ENAM: variants seen among roughly 807,000 people sequenced by gnomAD.
The protein encoded by ENAM is amelogenesis imperfecta 2, hypocalcification (autosomal dominant).
ENAM carries 21 observed loss-of-function variants against 33.6 expected under a neutral mutation model. The observed-to-expected ratio is 0.63, with a 90% CI of 0.44 to 0.90. The LOEUF (loss-of-function observed/expected upper bound fraction) is 0.90. Among genes scored for constraint, ENAM ranks in the 40% least tolerant of loss-of-function variants. The pLI is 0.00. For synonymous variants in ENAM, 473 were observed against 468.4 expected (o/e 1.01, Z -0.13); for missense variants, 1,388 against 1,366.9 (o/e 1.02, Z -0.24).
Position 70,645,235 on chromosome 4 carries a change from T to C in ENAM, c.*380T>C. 3 of 239,344 alleles carry C rather than the reference T, an allele frequency of 1.3e-5. No homozygotes were observed. Among genetic ancestry groups the C allele is most frequent in the Non-Finnish European group, 1.6e-5 (2 of 125,608 alleles). 14.8% of individuals were successfully genotyped at this position (239,344 alleles called of 1,614,324 possible). On this transcript the variant is annotated 3_prime_UTR_variant, in exon 9 of 9. Transcript: ENST00000396073. Reference sequence around the variant, plus strand: ...AAGGCAGATTAACTTTCCATTCTACTTATGGAGATCCACACATCAGTATAG... The same window carrying C: ...AAGGCAGATTAACTTTCCATTCTACCTATGGAGATCCACACATCAGTATAG...
At position 70,646,343 on chromosome 4, in the gene ENAM, G is replaced by A. The variant is rs1262561855; in HGVS notation, c.*1488G>A. 1 of 152,128 alleles carries A rather than the reference G, an allele frequency of 6.6e-6. No individual in the cohort carries two copies. The highest frequency in any genetic ancestry group is 1.9e-4 in the East Asian group (1 of 5,198). 9.4% of individuals were successfully genotyped at this position (152,128 alleles called of 1,614,324 possible). On this transcript the variant is annotated 3_prime_UTR_variant, in exon 9 of 9. Coordinates refer to ENST00000396073, the MANE Select transcript of ENAM (RefSeq NM_031889.3). ...CTAAAAACATACTTTATAACTTTAAGAGATTTCTTAGGATACATCTTCAGG... is the reference window on the plus strand; with the variant it reads ...CTAAAAACATACTTTATAACTTTAAAAGATTTCTTAGGATACATCTTCAGG...
chr4:70,631,283 A>G (rs995684326), intron 2 of ENAM, among the ~76,000 whole-genome samples: 1 of 152,178 alleles, frequency 6.6e-6, no homozygotes, highest in African/African-American at 2.4e-5. Flanking sequence ...TTATAAATCA[A>G]CTAGTAACTA....
Position 70,642,715 on chromosome 4 carries a change from A to G in ENAM, c.1289A>G (p.Asn430Ser), listed in dbSNP as rs769265756. ...CCCAAACCTGGCCCTGTTGTTCGCAATGAAAAAATCCAAAATCCAAAGGAG... is the reference window on the plus strand; with the variant it reads ...CCCAAACCTGGCCCTGTTGTTCGCAGTGAAAAAATCCAAAATCCAAAGGAG... ...LGPKPGPVVR[N>S]EKIQNPKEKP... The change falls in exon 9 of 9, where the codon AAT becomes AGT. Residue 430 changes from asparagine to serine, a missense_variant. By Grantham distance (46) the Asn-to-Ser change is conservative. Coordinates refer to ENST00000396073, the MANE Select transcript of ENAM (RefSeq NM_031889.3). 3.6e-5 allele frequency: 58 copies of G among 1,605,276 alleles called. No homozygotes were observed. The highest frequency in any genetic ancestry group is 4.2e-5 in the Non-Finnish European group (50 of 1,176,878).
rs775159311 is a variant in ENAM, at chr4:70,643,823, G to T, written c.2397G>T (p.Arg799Ser). 5.5e-5 allele frequency: 89 copies of T among 1,613,990 alleles called. No homozygotes were observed. Among genetic ancestry groups the T allele is most frequent in the Middle Eastern group, 3.3e-4 (2 of 6,084 alleles). ...CACATTTACAAAAAGCCCCAGCTAG[G>T]CCACCAGACCAGAAAGGTAACCAGC... ...QATHLQKAPA[R>S]PPDQKGNQPY... The change falls in exon 9 of 9, where the codon AGG (arginine) becomes AGT (serine). Residue 799 changes from arginine to serine, a missense_variant. Transcript: ENST00000396073.
At position 70,644,744 on chromosome 4, in the gene ENAM, G is replaced by A; in HGVS notation, c.3318G>A (p.Lys1106=). The change falls in exon 9 of 9, where the codon AAG becomes AAA. Residue 1106 remains lysine, a synonymous_variant. Coordinates refer to ENST00000396073, the MANE Select transcript of ENAM (RefSeq NM_031889.3). ...LVELATEEQF[K]SINVDPLDAD... ...AGTTAGCTACTGAGGAACAATTTAA[G>A]AGTATAAATGTAGACCCACTTGATG... is the stretch of plus-strand genomic sequence containing the variant. The A allele has an allele frequency of 6.2e-7, 1 of 1,613,994 alleles. No homozygotes were observed. The highest frequency in any genetic ancestry group is 1.1e-5 in the South Asian group (1 of 91,068).
rs1176149761 is a variant in ENAM at position 70,628,937 on chromosome 4, A to G, written c.-88A>G. The G allele has an allele frequency of 1.3e-5, 2 of 152,646 alleles. No homozygotes were observed. 9.5% of individuals were successfully genotyped at this position (152,646 alleles called of 1,614,324 possible). On this transcript the variant is annotated 5_prime_UTR_variant, in exon 1 of 9. Transcript: ENST00000396073. ...AAAGTTCAAGTAAAAATTATTTTTT[A>G]TATATTACAGCTTCTAATTGGCATT...
chr4:70,634,935 G>A (rs1685871305), intron 6 of ENAM, among the ~76,000 whole-genome samples: 1 of 152,182 alleles, frequency 6.6e-6, no homozygotes, highest in Non-Finnish European at 1.5e-5. Context: ...AAACTAAATA[G>A]TTTCGAAGTT....
chr4:70,635,947 TATA>T, intron 7 of ENAM, 53 bp downstream of exon 7: 3 of 942,616 alleles, frequency 3.2e-6, no homozygotes, highest in Non-Finnish European at 5.1e-6. Flanking sequence ...ATTAGTATGT[TATA>T]ATTTAAATTA....
intron 7 of ENAM, 156 bp from the exon 8 acceptor site, chr4:70,637,634 G>C (rs1738486512): frequency 1.4e-6 from 1 of 705,550 alleles, no homozygotes; most frequent in Non-Finnish European, 2.6e-6. Context: ...TTAGCAGCTG[G>C]ACTGTGAGAG....
At chr4:70,640,989 A>G (rs930588527) in intron 8 of ENAM, among the ~76,000 whole-genome samples, 2 of 152,222 alleles carry the variant, frequency 1.3e-5, no homozygotes, top group African/African-American at 4.8e-5. Context: ...AGTAGCCAGT[A>G]AGAAAACTAC....
chr4:70,629,636 C>T (rs1032531961), intron 2 of ENAM, 82 bp downstream of exon 2: 5 of 1,007,552 alleles, frequency 5.0e-6, no homozygotes, highest in Non-Finnish European at 6.4e-6. Flanking sequence ...GAGGGCCAAA[C>T]ACTACTGAAA....
chr4:70,632,002 A>G (rs1738336840), intron 4 of ENAM, 109 bp downstream of exon 4: 1 of 1,034,116 alleles, frequency 9.7e-7, no homozygotes, highest in African/African-American at 1.6e-5. Context: ...TCTTATGAAA[A>G]AGGTAAAAAG....
chr4:70,637,853 A>T lies in ENAM; in HGVS notation c.588+10A>T, dbSNP rs1738497339. The T allele has an allele frequency of 1.3e-6, 2 of 1,597,430 alleles. No individual in the cohort carries two copies. The highest frequency in any genetic ancestry group is 2.7e-5 in the African/African-American group (2 of 74,560). The stretch of plus-strand genomic sequence containing the variant: ...CAATGAAGAAGGGGGGGTAAGTACA[A>T]GTAAAACTACATTCTCCACTAGAAA... On this transcript the variant is annotated intron_variant, in intron 8 of 8. Coordinates refer to ENST00000396073, the MANE Select transcript of ENAM (RefSeq NM_031889.3).
At chr4:70,639,611 A>T (rs1232120604) in intron 8 of ENAM, among the ~76,000 whole-genome samples, 1 of 149,576 alleles carries the variant, frequency 6.7e-6, no homozygotes, top group Non-Finnish European at 1.5e-5. Flanking sequence ...AAGGAAAGAA[A>T]TCTGAATTTA....
chr4:70,644,089 C>A lies in ENAM; in HGVS notation c.2663C>A (p.Ala888Asp), dbSNP rs768049074. The A allele has an allele frequency of 1.2e-6, 2 of 1,614,136 alleles. No individual in the cohort carries two copies. Among genetic ancestry groups the A allele is most frequent in the South Asian group, 2.2e-5 (2 of 91,072 alleles). ...SSTGPKDNPL[A>D]LQDYTPSYGL... Reference sequence around the variant, plus strand: ...ACAGGGCCCAAGGACAATCCACTAGCTCTACAAGACTACACTCCATCCTAT... The same window carrying A: ...ACAGGGCCCAAGGACAATCCACTAGATCTACAAGACTACACTCCATCCTAT... The change falls in exon 9 of 9, where the codon GCT becomes GAT. Residue 888 changes from alanine to aspartate, a missense_variant. By Grantham distance (126) the Ala-to-Asp change is moderately radical. Transcript: ENST00000396073.
rs777331164 is a variant in ENAM, at chr4:70,642,974, G to T, written c.1548G>T (p.Leu516Phe). Reference protein sequence around the residue: ...NSDGQTQSQNLPKGIVLGSRR... With the variant: ...NSDGQTQSQNFPKGIVLGSRR... ...ATGGACAAACCCAAAGCCAGAATTT[G>T]CCCAAAGGGATTGTTTTAGGGTCAA... Residue 516 changes from leucine (L) to phenylalanine (F), a missense_variant, in exon 9 of 9, where the codon TTG becomes TTT. By Grantham distance (22) the Leu-to-Phe change is conservative (BLOSUM62 0). Transcript: ENST00000396073. 2 of 1,614,096 alleles carry T rather than the reference G, an allele frequency of 1.2e-6. No individual in the cohort carries two copies. The highest frequency in any genetic ancestry group is 2.2e-5 in the South Asian group (2 of 91,078).
Position 70,642,691 on chromosome 4 carries a change from C to T in ENAM, c.1265C>T (p.Pro422Leu), listed in dbSNP as rs777996409. The T allele has an allele frequency of 6.2e-7, 1 of 1,608,520 alleles. No homozygotes were observed. The change falls in exon 9 of 9, where the codon CCC becomes CTC. Residue 422 changes from proline to leucine, a missense_variant. Transcript: ENST00000396073. ...GGAACTACTGTTGCCCCACTGGGTC[C>T]CAAACCTGGCCCTGTTGTTCGCAAT... ...PVGTTVAPLGPKPGPVVRNEK... is the reference protein window; with the variant it reads ...PVGTTVAPLGLKPGPVVRNEK...
intron 8 of ENAM, among the ~76,000 whole-genome samples, chr4:70,638,449 C>CT (rs766513652): frequency 0.038 from 2,236 of 58,876 alleles, 420 homozygotes; most frequent in African/African-American, 0.083. Flanking sequence ...ACAGATTGTT[C>CT]TTTTTTTTTT....
intron 1 of ENAM, 115 bp downstream of exon 1, chr4:70,629,079 T>C: frequency 5.3e-6 from 1 of 189,784 alleles, no homozygotes; most frequent in Non-Finnish European, 1.1e-5. Context: ...GTATAATCAT[T>C]GTATGCAGAC....
Sources: gnomAD v4.1 joint callset for allele counts (sites outside exome capture counted in the v4.1 genomes callset) on GRCh38, gnomAD v4.1.1 for gene constraint, MANE v1.5 for transcripts, NCBI Gene and HGNC (gene_info 2026-07-23, HGNC 2026-07-21) for gene names.